Variants in PRKACB observed in about 807,000 individuals in gnomAD.
PRKACB encodes protein kinase cAMP-activated catalytic subunit beta.
In PRKACB, 16 loss-of-function variants were observed where a neutral mutation model predicts 51.4. The ratio of observed to expected loss-of-function variants is 0.31; its 90% confidence interval spans 0.21 to 0.47. The LOEUF (loss-of-function observed/expected upper bound fraction) is 0.47, where lower values mean the gene tolerates loss of function less well. Ranked by LOEUF, PRKACB falls within the 20% of genes least tolerant of loss-of-function variation. PRKACB has a pLI of 1.00. For synonymous variants in PRKACB, 147 were observed against 154.4 expected (o/e 0.95, Z 0.35); for missense variants, 309 against 464.5 (o/e 0.67, Z 3.08).
At chr1:84,195,473 G>C (rs925879042) in intron 5 of PRKACB, among the ~76,000 whole-genome samples, 10 of 152,150 alleles carry the variant, frequency 6.6e-5, no homozygotes, top group Admixed American at 3.3e-4. Flanking sequence ...AAACAAATCT[G>C]AAAGTCATTG....
chr1:84,084,784 G>C (rs1310940951), intron 1 of PRKACB, among the ~76,000 whole-genome samples: 1 of 152,162 alleles, frequency 6.6e-6, no homozygotes, highest in Non-Finnish European at 1.5e-5. Context: ...TGAATACAGA[G>C]GGCAGGAGTA....
chr1:84,144,677 T>TG, intron 1 of PRKACB, 129 bp downstream of exon 1: 1 of 1,013,018 alleles, frequency 9.9e-7, no homozygotes, highest in East Asian at 3.0e-5. Flanking sequence ...TTTTGCAAGA[T>TG]GAAGTTGAAA....
At chr1:84,105,610 C>G (rs1377553437) in intron 1 of PRKACB, among the ~76,000 whole-genome samples, 2 of 152,060 alleles carry the variant, frequency 1.3e-5, no homozygotes, top group East Asian at 3.9e-4. Flanking sequence ...GGGTCTCCTT[C>G]TGTCACCCAG....
At chr1:84,164,430 T>A in intron 1 of PRKACB, 2 of 1,570,220 alleles carry the variant, frequency 1.3e-6, no homozygotes, top group Non-Finnish European at 1.7e-6. Flanking sequence ...TGTGTGAGTA[T>A]TTGAAGAAAA....
At position 84,235,560 on chromosome 1, in the gene PRKACB, C is replaced by T; in HGVS notation, c.*255C>T. The T allele has an allele frequency of 2.5e-6, 1 of 398,168 alleles. No individual in the cohort carries two copies. The highest frequency in any genetic ancestry group is 3.8e-5 in the South Asian group (1 of 26,024). 24.7% of individuals were successfully genotyped at this position (398,168 alleles called of 1,614,324 possible). A position where few individuals can be genotyped will look rare whatever the true frequency, so the allele number is the denominator to read the frequency against. On this transcript the variant is annotated 3_prime_UTR_variant, in exon 10 of 10. Transcript: ENST00000370685. ...TACTTCTCTTTGGGTTGTCTTTCTCCTCTCCTATATCCATTTCTTCCTTTT... is the reference window on the plus strand; with the variant it reads ...TACTTCTCTTTGGGTTGTCTTTCTCTTCTCCTATATCCATTTCTTCCTTTT...
At chr1:84,232,707 C>T (rs1675932632) in intron 9 of PRKACB, among the ~76,000 whole-genome samples, 1 of 152,018 alleles carries the variant, frequency 6.6e-6, no homozygotes, top group African/African-American at 2.4e-5. Context: ...GGTTTAAAGT[C>T]TGTTTTATCA....
intron 1 of PRKACB, among the ~76,000 whole-genome samples, chr1:84,116,855 C>T (rs771471002): frequency 3.3e-5 from 5 of 151,978 alleles, no homozygotes; most frequent in Non-Finnish European, 5.9e-5. Context: ...TGCACTGTGT[C>T]GAATAATAGT....
At chr1:84,081,421 T>G (rs1015304945) in intron 1 of PRKACB, among the ~76,000 whole-genome samples, 4 of 152,330 alleles carry the variant, frequency 2.6e-5, no homozygotes, top group African/African-American at 9.6e-5. Flanking sequence ...TGTATTGATG[T>G]ATCTCAAAAC....
chr1:84,085,028 TA>T (rs1173267492), intron 1 of PRKACB, among the ~76,000 whole-genome samples: 18 of 152,214 alleles, frequency 1.2e-4, no homozygotes, highest in African/African-American at 4.3e-4. Context: ...TTACATAAGT[TA>T]AGAATTCTAT....
chr1:84,176,371 C>T (rs1411814325), intron 1 of PRKACB, among the ~76,000 whole-genome samples: 2 of 151,744 alleles, frequency 1.3e-5, no homozygotes, highest in Non-Finnish European at 2.9e-5. Context: ...GTTACATCCA[C>T]CAATATCTAA....
chr1:84,231,380 C>A (rs1005137588), intron 9 of PRKACB, among the ~76,000 whole-genome samples: 2 of 152,098 alleles, frequency 1.3e-5, no homozygotes, highest in Non-Finnish European at 2.9e-5. Context: ...GACTAAAATT[C>A]TCTTTTTTGG....
intron 9 of PRKACB, among the ~76,000 whole-genome samples, chr1:84,215,552 A>C (rs953218364): frequency 2.0e-5 from 3 of 152,228 alleles, no homozygotes; most frequent in Non-Finnish European, 2.9e-5. Context: ...ACTTGAATAT[A>C]AGTATAGATC....
chr1:84,155,561 C>G (rs1655393627), intron 1 of PRKACB, among the ~76,000 whole-genome samples: 1 of 152,146 alleles, frequency 6.6e-6, no homozygotes, highest in Non-Finnish European at 1.5e-5. Flanking sequence ...ATATCCTAAG[C>G]AATCTTGAAC....
At chr1:84,078,928 G>A (rs1647304131) in intron 1 of PRKACB, among the ~76,000 whole-genome samples, 1 of 152,176 alleles carries the variant, frequency 6.6e-6, no homozygotes, top group Admixed American at 6.5e-5. Flanking sequence ...AGACCCAACA[G>A]CAACTTTATC....
intron 1 of PRKACB, among the ~76,000 whole-genome samples, chr1:84,123,968 C>T (rs1166177560): frequency 2.6e-5 from 4 of 152,064 alleles, no homozygotes; most frequent in Non-Finnish European, 5.9e-5. Context: ...ATGCATAGCT[C>T]CCTAAAGTAG....
Position 84,202,776 on chromosome 1 carries a change from C to G in PRKACB, c.877C>G (p.Gln293Glu), listed in dbSNP as rs1670497042. The part of the protein sequence containing the change: ...YPPFFADQPI[Q>E]IYEKIVSGKV... Reference sequence around the variant, plus strand: ...CCCATTCTTTGCAGACCAACCAATTCAGATTTATGAAAAGATTGTTTCTGG... The same window carrying G: ...CCCATTCTTTGCAGACCAACCAATTGAGATTTATGAAAAGATTGTTTCTGG... The change falls in exon 8 of 10, where the codon CAG becomes GAG. Residue 293 changes from glutamine to glutamate, a missense_variant. Transcript: ENST00000370685. The G allele has an allele frequency of 6.2e-7, 1 of 1,607,056 alleles. No homozygotes were observed. The highest frequency in any genetic ancestry group is 1.3e-5 in the African/African-American group (1 of 74,796).
chr1:84,208,052 G>A (rs1671604000), intron 8 of PRKACB, among the ~76,000 whole-genome samples: 1 of 152,034 alleles, frequency 6.6e-6, no homozygotes, highest in Admixed American at 6.6e-5. Flanking sequence ...GTTTTTAGTA[G>A]GGACAGGGTT....
At chr1:84,108,500 TA>T (rs1037990564) in intron 1 of PRKACB, among the ~76,000 whole-genome samples, 8 of 151,718 alleles carry the variant, frequency 5.3e-5, no homozygotes, top group African/African-American at 7.3e-5. Flanking sequence ...ATTAAAATAC[TA>T]AAAAAAAGTG....
intron 9 of PRKACB, among the ~76,000 whole-genome samples, chr1:84,219,309 C>A (rs1393133748): frequency 6.6e-6 from 1 of 151,622 alleles, no homozygotes; most frequent in East Asian, 1.9e-4. Context: ...GCTGCACCCT[C>A]CACCTCCCAG....
Sources: gnomAD v4.1 joint callset for allele counts (sites outside exome capture counted in the v4.1 genomes callset) on GRCh38, gnomAD v4.1.1 for gene constraint, MANE v1.5 for transcripts, NCBI Gene and HGNC (gene_info 2026-07-23, HGNC 2026-07-21) for gene names.